The following TTN variants were observed in gnomAD, a reference collection of about 807,000 sequenced individuals.
TTN encodes the protein connectin.
A neutral mutation model predicts 3,223.0 loss-of-function variants in TTN; 1,525 were observed. The observed-to-expected ratio is 0.47, with a 90% CI of 0.45 to 0.49. The LOEUF is 0.49. Ranked by LOEUF, TTN falls within the 20% of genes least tolerant of loss-of-function variation. TTN has a pLI of 0.00. For synonymous variants in TTN, 14,094 were observed against 15,161.0 expected (o/e 0.93, Z 5.17); for missense variants, 40,786 against 43,424.0 (o/e 0.94, Z 5.40).
intron 47 of TTN, chr2:178,749,557 A>C (rs2084782099): frequency 6.2e-7 from 1 of 1,612,864 alleles, no homozygotes; most frequent in Non-Finnish European, 8.5e-7. Flanking sequence ...GTGCCCTTAC[A>C]GATTCTCCCT....
chr2:178,795,114 C>T lies in TTN; in HGVS notation c.1053G>A (p.Val351=), dbSNP rs1463186920. ...TCATCTCAGCCTCAGATGAGGAGGCCACGTAGCCCTCTTGCTTCCAAGGGG... is the reference window on the plus strand; with the variant it reads ...TCATCTCAGCCTCAGATGAGGAGGCTACGTAGCCCTCTTGCTTCCAAGGGG... ...VPPPWKQEGY[V]ASSSEAEMRE... is the part of the protein sequence containing the mutation. Residue 351 remains valine, a synonymous_variant, in exon 7 of 363, where the codon GTG becomes GTA. Coordinates refer to ENST00000589042, the MANE Select transcript of TTN (RefSeq NM_001267550.2). 6.2e-7 allele frequency: 1 copy of T among 1,614,122 alleles called. No individual in the cohort carries two copies. The highest frequency in any genetic ancestry group is 1.7e-5 in the Admixed American group (1 of 60,026).
In TTN at chr2:178,672,094, A is replaced by C. The variant is rs1553809123; in HGVS notation, c.35104T>G (p.Phe11702Val). The change falls in exon 155 of 363, where the codon TTC (phenylalanine) becomes GTC (valine). Residue 11702 changes from phenylalanine to valine, a missense_variant. Transcript: ENST00000589042. ...EEGEFHEVEE[F>V]IKLEQHRVEE... The stretch of plus-strand genomic sequence containing the variant: ...ACTCTATGTTGTTCTAATTTGATGA[A>C]TTCTTCTACTTCATGAAACTCGCCT... The C allele has an allele frequency of 6.2e-7, 1 of 1,612,112 alleles. No individual in the cohort carries two copies. Among genetic ancestry groups the C allele is most frequent in the Middle Eastern group, 1.7e-4 (1 of 6,054 alleles).
At chr2:178,771,102 A>T in intron 34 of TTN, 109 bp downstream of exon 34, 1 of 1,531,894 alleles carries the variant, frequency 6.5e-7, no homozygotes, top group South Asian at 1.2e-5. Flanking sequence ...GAATGACTTT[A>T]TGAAATGAAA....
At chr2:178,758,876 G>A (rs2088134870) in intron 44 of TTN, 108 bp downstream of exon 44, 1 of 1,152,382 alleles carries the variant, frequency 8.7e-7, no homozygotes. Context: ...AATTAGAAGA[G>A]AATGGTAGGA....
At position 178,551,194 on chromosome 2, in the gene TTN, G is replaced by A. The variant is rs1699285500; in HGVS notation, c.91337C>T (p.Pro30446Leu). ...RETITLKWNP[P>L]LRDGGSKIVG... is the part of the protein sequence containing the mutation. The stretch of plus-strand genomic sequence containing the variant: ...AATCTTACTGCCTCCATCACGCAAT[G>A]GTGGGTTCCATTTAAGTGTGATGGT... The change falls in exon 336 of 363, where the codon CCA (proline) becomes CTA (leucine). Residue 30446 changes from proline (P) to leucine (L), a missense_variant. Coordinates refer to ENST00000589042, the MANE Select transcript of TTN (RefSeq NM_001267550.2). 16 of 1,613,514 alleles carry A rather than the reference G, an allele frequency of 9.9e-6. No individual in the cohort carries two copies. The highest frequency in any genetic ancestry group is 1.2e-5 in the Non-Finnish European group (14 of 1,179,656).
chr2:178,684,500 G>C (rs1265863886), intron 131 of TTN, 87 bp from the exon 132 acceptor site: 1 of 1,459,488 alleles, frequency 6.9e-7, no homozygotes, highest in African/African-American at 1.4e-5. Flanking sequence ...TTTTAGAATA[G>C]AAGAATTTAC....
At position 178,733,629 on chromosome 2, in the gene TTN, C is replaced by G. The variant is rs867275748; in HGVS notation, c.15760G>C (p.Glu5254Gln). 1 of 1,611,728 alleles carries G rather than the reference C, an allele frequency of 6.2e-7. No homozygotes were observed. Among genetic ancestry groups the G allele is most frequent in the Non-Finnish European group, 8.5e-7 (1 of 1,178,192 alleles). ...CTACACAAACCTTTAACTATTAATT[C>G]CCCAACAGATGTTTGGCTTCCAGCT... is the stretch of plus-strand genomic sequence containing the variant. ...NEAGSQTSVGELIVKEPAKII... is the reference protein window; with the variant it reads ...NEAGSQTSVGQLIVKEPAKII... Residue 5254 changes from glutamate to glutamine, a missense_variant, in exon 53 of 363, where the codon GAA becomes CAA. By Grantham distance (29) the Glu-to-Gln change is conservative. Transcript: ENST00000589042.
chr2:178,641,070 A>G (rs2061175479), intron 220 of TTN, among the ~76,000 whole-genome samples, 171 bp downstream of exon 220: 1 of 152,016 alleles, frequency 6.6e-6, no homozygotes, highest in East Asian at 1.9e-4. Context: ...TTTGGGAATT[A>G]CTATAAAAAT....
rs147369023 is a variant in TTN at position 178,721,244 on chromosome 2, T to C, written c.22817-42A>G. On this transcript the variant is annotated intron_variant, in intron 78 of 362. Coordinates refer to ENST00000589042, the MANE Select transcript of TTN (RefSeq NM_001267550.2). ...AACAGTCAGTAAGGGATATTTATTA[T>C]ACATGTTAAAAGAGCTTGTTTTTGT... 3,215 of 1,469,698 alleles carry C rather than the reference T, an allele frequency of 2.2e-3. 37 individuals carry two copies. The African/African-American group carries it at 0.026, about 12-fold the overall frequency. The allele number at this position is 1,469,698 out of a possible 1,614,324, so 91.0% of individuals were successfully genotyped here.
chr2:178,630,445 T>C, intron 238 of TTN, 78 bp from the exon 239 acceptor site: 7 of 1,463,774 alleles, frequency 4.8e-6, no homozygotes, highest in Non-Finnish European at 6.4e-6. Context: ...ATTATCTTAA[T>C]TAAAGGAATG....
At position 178,573,065 on chromosome 2, in the gene TTN, G is replaced by A; in HGVS notation, c.73067C>T (p.Thr24356Ile). 1 of 1,613,254 alleles carries A rather than the reference G, an allele frequency of 6.2e-7. No homozygotes were observed. The highest frequency in any genetic ancestry group is 1.1e-5 in the South Asian group (1 of 91,078). The change falls in exon 326 of 363, where the codon ACT becomes ATT. Residue 24356 changes from threonine to isoleucine, a missense_variant. Coordinates refer to ENST00000589042, the MANE Select transcript of TTN (RefSeq NM_001267550.2). ...CAGGGCAATCTCAACCATATACCCA[G>A]TGATTTCTGAACCACCATCATAGAT... ...KPIYDGGSEI[T>I]GYMVEIALPE... is the part of the protein sequence containing the mutation.
At chr2:178,690,236 C>T (rs1055962552) in intron 121 of TTN, among the ~76,000 whole-genome samples, 5 of 152,150 alleles carry the variant, frequency 3.3e-5, no homozygotes, top group Admixed American at 6.5e-5. Context: ...AACTTCTTTA[C>T]GCTTTGTATT....
Position 178,715,207 on chromosome 2 carries a change from A to G in TTN, c.25979T>C (p.Val8660Ala). ...HPIETLKGAD[V>A]HLECELQGTP... ...GCCCTGAAGCTCACATTCAAGGTGA[A>G]CATCAGCTCCTTTCAGTGTCTCTAT... The change falls in exon 90 of 363, where the codon GTT becomes GCT. Residue 8660 changes from valine to alanine, a missense_variant. Transcript: ENST00000589042. 1.2e-6 allele frequency: 2 copies of G among 1,613,688 alleles called. No individual in the cohort carries two copies. The highest frequency in any genetic ancestry group is 1.1e-5 in the South Asian group (1 of 91,058).
At chr2:178,680,388 G>A in intron 138 of TTN, 57 bp from the exon 139 acceptor site, 1 of 1,396,558 alleles carries the variant, frequency 7.2e-7, no homozygotes, top group East Asian at 2.3e-5. Flanking sequence ...CCCAGCCAAT[G>A]CTTGTTTTGC....
Position 178,732,225 on chromosome 2 carries a change from T to C in TTN, c.16744A>G (p.Arg5582Gly). The change falls in exon 57 of 363, where the codon AGA becomes GGA. Residue 5582 changes from arginine (R) to glycine (G), a missense_variant. Arg to Gly is a moderately radical substitution (Grantham distance 125, BLOSUM62 -2). Transcript: ENST00000589042. Reference sequence around the variant, plus strand: ...TGTTTGCTGCTCTCCTTAATTTCTCTATCATTTGCAAACCATGTTATTTTA... The same window carrying C: ...TGTTTGCTGCTCTCCTTAATTTCTCCATCATTTGCAAACCATGTTATTTTA... ...PIKITWFANDREIKESSKHRM... is the reference protein window; with the variant it reads ...PIKITWFANDGEIKESSKHRM... 1 of 1,613,892 alleles carries C rather than the reference T, an allele frequency of 6.2e-7. No individual in the cohort carries two copies. Among genetic ancestry groups the C allele is most frequent in the Non-Finnish European group, 8.5e-7 (1 of 1,179,796 alleles).
chr2:178,671,144 G>A lies in TTN; in HGVS notation c.35254C>T (p.Pro11752Ser). The change falls in exon 156 of 363, where the codon CCT becomes TCT. Residue 11752 changes from proline (P) to serine (S), a missense_variant. Pro to Ser is a moderately conservative substitution (Grantham distance 74). Coordinates refer to ENST00000589042, the MANE Select transcript of TTN (RefSeq NM_001267550.2). ...KGPEISEKIIPPKKPPTKVVP... is the reference protein window; with the variant it reads ...KGPEISEKIISPKKPPTKVVP... ...ACTTTAGTGGGCGGTTTTTTTGGAGGGATGATTTTCTCAGATATCTCAGGC... is the reference window on the plus strand; with the variant it reads ...ACTTTAGTGGGCGGTTTTTTTGGAGAGATGATTTTCTCAGATATCTCAGGC... The A allele has an allele frequency of 6.2e-7, 1 of 1,602,852 alleles. No individual in the cohort carries two copies. The highest frequency in any genetic ancestry group is 8.5e-7 in the Non-Finnish European group (1 of 1,175,362).
At position 178,614,265 on chromosome 2, in the gene TTN, C is replaced by A; in HGVS notation, c.49132G>T (p.Asp16378Tyr). 1 of 1,612,676 alleles carries A rather than the reference C, an allele frequency of 6.2e-7. No individual in the cohort carries two copies. The highest frequency in any genetic ancestry group is 1.1e-5 in the South Asian group (1 of 91,042). The change falls in exon 262 of 363, where the codon GAT becomes TAT. Residue 16378 changes from aspartate (D) to tyrosine (Y), a missense_variant. Asp to Tyr is a radical substitution (Grantham distance 160). Coordinates refer to ENST00000589042, the MANE Select transcript of TTN (RefSeq NM_001267550.2). ...CLLTWNPPRD[D>Y]GGSKITNYVV... ...TAGTTTGTGATCTTAGATCCACCAT[C>A]ATCGCGTGGTGGGTTCCATGTTAGA... is the stretch of plus-strand genomic sequence containing the variant.
chr2:178,536,985 C>G lies in TTN; in HGVS notation c.100124G>C (p.Ser33375Thr), dbSNP rs758043383. Residue 33375 changes from serine to threonine, a missense_variant, in exon 356 of 363, where the codon AGT becomes ACT. Transcript: ENST00000589042. ...RVSAQNTFGI[S>T]DPLEVSSVVI... ...AACTGAGGACACTTCTAGAGGGTCA[C>G]TGATGCCGAAAGTGTTCTGAGCTGA... The G allele has an allele frequency of 6.2e-6, 10 of 1,613,226 alleles. No individual in the cohort carries two copies. The South Asian group carries it at 8.8e-5, about 14-fold the overall frequency.
rs756260320 is a variant in TTN at position 178,635,202 on chromosome 2, T to C, written c.41987A>G (p.Gln13996Arg). Residue 13996 changes from glutamine (Q) to arginine (R), a missense_variant, in exon 228 of 363, where the codon CAA (glutamine) becomes CGA (arginine). Gln to Arg is a conservative substitution (Grantham distance 43, BLOSUM62 1). Coordinates refer to ENST00000589042, the MANE Select transcript of TTN (RefSeq NM_001267550.2). ...TAGAAGTTCTCCTTTCAGTTTCCATTGTCCAGGAATGTCTGCCTCTGAGAT... is the reference window on the plus strand; with the variant it reads ...TAGAAGTTCTCCTTTCAGTTTCCATCGTCCAGGAATGTCTGCCTCTGAGAT... ...AEISEADIPG[Q>R]WKLKGELLRP... 22 of 1,612,988 alleles carry C rather than the reference T, an allele frequency of 1.4e-5. No individual in the cohort carries two copies. The highest frequency in any genetic ancestry group is 1.8e-5 in the Non-Finnish European group (21 of 1,179,414).
Sources: allele counts gnomAD v4.1 joint callset (sites outside exome capture counted in the v4.1 genomes callset), GRCh38; gene constraint gnomAD v4.1.1; transcripts MANE v1.5; gene names NCBI Gene and HGNC (gene_info 2026-07-23, HGNC 2026-07-21).